Variants in HACD2 observed in about 807,000 individuals in gnomAD.
The protein encoded by HACD2 is 3-hydroxyacyl-CoA dehydratase 2.
Under a neutral mutation model 31.0 loss-of-function variants are expected in HACD2, and 15 were observed. That is an observed-to-expected ratio of 0.48 (90% CI 0.32 to 0.75). The LOEUF is 0.75. Ranked by LOEUF, HACD2 falls within the 30% of genes least tolerant of loss-of-function variation. HACD2 has a pLI of 0.03. For synonymous variants in HACD2, 115 were observed against 122.2 expected (o/e 0.94, Z 0.39); for missense variants, 283 against 313.0 (o/e 0.90, Z 0.72).
At chr3:123,566,069 T>TTCAAAGG (rs2056788681) in intron 3 of HACD2, among the ~76,000 whole-genome samples, 1 of 152,116 alleles carries the variant, frequency 6.6e-6, no homozygotes, top group African/African-American at 2.4e-5. Flanking sequence ...AAATCTACCA[T>TTCAAAGG]TCAAAGGTCC....
chr3:123,528,381 C>G lies in HACD2; in HGVS notation c.381+5G>C. The G allele has an allele frequency of 6.3e-7, 1 of 1,578,454 alleles. No individual in the cohort carries two copies. Among genetic ancestry groups the G allele is most frequent in the South Asian group, 1.1e-5 (1 of 90,316 alleles). On this transcript the variant is annotated splice_donor_5th_base_variant and intron_variant, in intron 4 of 6. Coordinates refer to ENST00000383657, the MANE Select transcript of HACD2 (RefSeq NM_198402.5). ...GACATTATTTTGGTCTATATAAACACTTACCTCTTTGACGCTATGTGTTAC... is the reference window on the plus strand; with the variant it reads ...GACATTATTTTGGTCTATATAAACAGTTACCTCTTTGACGCTATGTGTTAC...
rs542697337 is a variant in HACD2 at position 123,561,083 on chromosome 3, G to C, written c.292+6679C>G. On this transcript the variant is annotated intron_variant, in intron 3 of 6. Coordinates refer to ENST00000383657, the MANE Select transcript of HACD2 (RefSeq NM_198402.5). ...AAACTTGGCCCTCTCAAAGTAGCGGGGGGGCAGAGGAGGGAGTGTTACAGT... is the reference window on the plus strand; with the variant it reads ...AAACTTGGCCCTCTCAAAGTAGCGGCGGGGCAGAGGAGGGAGTGTTACAGT... Among the ~76,000 whole-genome samples, 4 of 152,264 alleles carry C rather than the reference G, an allele frequency of 2.6e-5. No homozygotes were observed. In the South Asian group the frequency reaches 6.2e-4, roughly 24 times the overall value.
intron 3 of HACD2, among the ~76,000 whole-genome samples, chr3:123,561,650 C>T (rs866620392): frequency 1.3e-5 from 2 of 152,038 alleles, no homozygotes; most frequent in Non-Finnish European, 1.5e-5. Flanking sequence ...AGAACCATAG[C>T]CCCCATGCCT....
chr3:123,567,213 A>C (rs892140644), intron 3 of HACD2, among the ~76,000 whole-genome samples: 4 of 152,314 alleles, frequency 2.6e-5, no homozygotes, highest in Admixed American at 6.5e-5. Context: ...TCTATTCCAC[A>C]GCAATATTTG....
chr3:123,505,434 AT>A (rs1313398330), intron 4 of HACD2, among the ~76,000 whole-genome samples: 3 of 152,248 alleles, frequency 2.0e-5, no homozygotes, highest in African/African-American at 7.2e-5. Context: ...ACCACAAAAA[AT>A]AAATGAAAAA....
chr3:123,580,033 G>C (rs2056949082), intron 2 of HACD2, among the ~76,000 whole-genome samples: 1 of 152,164 alleles, frequency 6.6e-6, no homozygotes, highest in South Asian at 2.1e-4. Context: ...CAGGCTTCCA[G>C]CTGGAAGCTC....
intron 3 of HACD2, among the ~76,000 whole-genome samples, chr3:123,529,643 C>T (rs1318545716): frequency 6.6e-6 from 1 of 152,122 alleles, no homozygotes; most frequent in African/African-American, 2.4e-5. Context: ...AAGAGGATTG[C>T]TTGAGTTTGG....
In HACD2 at chr3:123,544,073, G is replaced by A. The variant is rs547297311; in HGVS notation, c.293-15599C>T. ...TCACACAGATGTTAAAAGTACAAAT[G>A]ACTTTGCCCAGCTCTGCTTTCCCAT... On this transcript the variant is annotated intron_variant, in intron 3 of 6. Transcript: ENST00000383657. 1.2e-4 allele frequency among the ~76,000 whole-genome samples: 19 copies of A among 152,290 alleles called. No homozygotes were observed. The South Asian group carries it at 3.7e-3, about 30-fold the overall frequency.
rs2055765403 is a variant in HACD2 at position 123,491,784 on chromosome 3, A to G, written c.*3104T>C. On this transcript the variant is annotated 3_prime_UTR_variant, in exon 7 of 7. Transcript: ENST00000383657. ...ATAAAATTACAATTTTGGTTTTCAC[A>G]ACATAGAAAAAATACAAAAATGACT... The G allele has an allele frequency of 1.3e-5, 2 of 152,664 alleles. No homozygotes were observed. Among genetic ancestry groups the G allele is most frequent in the African/African-American group, 2.4e-5 (1 of 41,458 alleles). The allele number at this position is 152,664 out of a possible 1,614,324, so 9.5% of individuals were successfully genotyped here. A position where few individuals can be genotyped will look rare whatever the true frequency, so the allele number is the denominator to read the frequency against.
intron 6 of HACD2, among the ~76,000 whole-genome samples, chr3:123,498,788 T>A (rs1253092083): frequency 1.3e-5 from 2 of 152,116 alleles, no homozygotes; most frequent in Non-Finnish European, 2.9e-5. Flanking sequence ...AAGACCAAGA[T>A]GAAAAGCTCA....
At chr3:123,534,798 T>TTGTATGTGTGTGTGTG (rs1553759158) in intron 3 of HACD2, among the ~76,000 whole-genome samples, 1 of 149,090 alleles carries the variant, frequency 6.7e-6, no homozygotes, top group Non-Finnish European at 1.5e-5. Context: ...AGACGTAGGC[T>TTGTATGTGTGTGTGTG]TGTGTGTGTG....
intron 3 of HACD2, among the ~76,000 whole-genome samples, chr3:123,539,680 A>G (rs1484494386): frequency 6.6e-6 from 1 of 152,112 alleles, no homozygotes; most frequent in East Asian, 1.9e-4. Context: ...ACAAATGCAG[A>G]GAAGGCCTGT....
At chr3:123,547,616 G>A (rs772454359) in intron 3 of HACD2, among the ~76,000 whole-genome samples, 1 of 152,120 alleles carries the variant, frequency 6.6e-6, no homozygotes, top group Admixed American at 6.5e-5. Flanking sequence ...TACAGGTGGA[G>A]TCTGCACTGA....
At chr3:123,533,745 G>T (rs372999730) in intron 3 of HACD2, among the ~76,000 whole-genome samples, 25 of 152,302 alleles carry the variant, frequency 1.6e-4, no homozygotes, top group African/African-American at 6.0e-4. Flanking sequence ...GATGCAAAGG[G>T]AAGACAGTGT....
chr3:123,530,490 C>T (rs1176545521), intron 3 of HACD2, among the ~76,000 whole-genome samples: 1 of 150,904 alleles, frequency 6.6e-6, no homozygotes, highest in East Asian at 2.0e-4. Context: ...CTCACTGCAA[C>T]CTCCAACTCC....
intron 4 of HACD2, among the ~76,000 whole-genome samples, chr3:123,511,435 A>C (rs2056062225): frequency 6.6e-6 from 1 of 152,192 alleles, no homozygotes. Flanking sequence ...AACCCTATAC[A>C]AGAAGAGCCT....
intron 2 of HACD2, among the ~76,000 whole-genome samples, chr3:123,576,226 T>G (rs1489067128): frequency 6.7e-6 from 1 of 149,736 alleles, no homozygotes; most frequent in Non-Finnish European, 1.5e-5. Flanking sequence ...TGCCCTATAT[T>G]GCCACCATTG....
chr3:123,503,120 C>T (rs1268684875), intron 4 of HACD2, among the ~76,000 whole-genome samples: 1 of 152,062 alleles, frequency 6.6e-6, no homozygotes, highest in Non-Finnish European at 1.5e-5. Flanking sequence ...AGAAAATTAG[C>T]CAAGTGTGGT....
chr3:123,577,007 G>A (rs539358392), intron 2 of HACD2, among the ~76,000 whole-genome samples: 1 of 152,318 alleles, frequency 6.6e-6, no homozygotes, highest in African/African-American at 2.4e-5. Context: ...GCTGTCTGCT[G>A]TCTCCCACCA....
Sources: gnomAD v4.1 joint callset for allele counts (sites outside exome capture counted in the v4.1 genomes callset) on GRCh38, gnomAD v4.1.1 for gene constraint, MANE v1.5 for transcripts, NCBI Gene and HGNC (gene_info 2026-07-23, HGNC 2026-07-21) for gene names.